FRMD6: variants seen among roughly 807,000 people sequenced by gnomAD.
FRMD6 encodes FERM domain containing 6, also known as FERM domain-containing protein 6.
In FRMD6, 37 loss-of-function variants were observed where a neutral mutation model predicts 73.2. The observed-to-expected ratio is 0.51, with a 90% CI of 0.39 to 0.66. The LOEUF (loss-of-function observed/expected upper bound fraction) is 0.66. Among genes scored for constraint, FRMD6 ranks in the 30% least tolerant of loss-of-function variants. The pLI is 0.00. For missense variants in FRMD6, 714 were observed against 780.5 expected (o/e 0.91, Z 1.02); for synonymous variants, 273 against 282.2 (o/e 0.97, Z 0.33).
At chr14:51,576,847 G>A (rs1298619319) in intron 2 of FRMD6, among the ~76,000 whole-genome samples, 4 of 152,086 alleles carry the variant, frequency 2.6e-5, no homozygotes, top group East Asian at 3.9e-4. Flanking sequence ...TCCCAATTTC[G>A]TTTTTCACTG....
intron 2 of FRMD6, among the ~76,000 whole-genome samples, chr14:51,625,659 G>A (rs1891088297): frequency 6.6e-6 from 1 of 152,046 alleles, no homozygotes; most frequent in Non-Finnish European, 1.5e-5. Flanking sequence ...TTCTAACCAG[G>A]TCCTCATTGA....
At chr14:51,544,289 A>T (rs2139390073) in intron 1 of FRMD6, among the ~76,000 whole-genome samples, 1 of 152,228 alleles carries the variant, frequency 6.6e-6, no homozygotes, top group African/African-American at 2.4e-5. Context: ...AAATATTCAC[A>T]TATAAAATTC....
chr14:51,610,520 G>C (rs1325525810), intron 2 of FRMD6, among the ~76,000 whole-genome samples: 1 of 151,888 alleles, frequency 6.6e-6, no homozygotes, highest in Admixed American at 6.6e-5. Flanking sequence ...AATTGAAGGG[G>C]TTAAAAATGG....
At chr14:51,466,723 C>T in the FRMD6 span, among the ~76,000 whole-genome samples, 1 of 152,172 alleles carries the variant, frequency 6.6e-6, no homozygotes, top group Admixed American at 6.5e-5. Flanking sequence ...ATTCTAGATT[C>T]TTTGCAATTT....
intron 1 of FRMD6, among the ~76,000 whole-genome samples, chr14:51,539,450 C>T (rs551873792): frequency 2.0e-5 from 3 of 152,214 alleles, no homozygotes; most frequent in African/African-American, 7.2e-5. Context: ...CTACATAGTG[C>T]CTGACACATA....
chr14:51,505,972 A>G (rs114183418), intron 1 of FRMD6, among the ~76,000 whole-genome samples: 4,557 of 152,146 alleles, frequency 0.03, 100 homozygotes, highest in East Asian at 0.074. Flanking sequence ...TCTGAACACA[A>G]ATCTGATCAC....
intron 2 of FRMD6, among the ~76,000 whole-genome samples, chr14:51,608,156 G>A (rs1256765953): frequency 3.3e-5 from 5 of 152,210 alleles, no homozygotes; most frequent in East Asian, 1.9e-4. Flanking sequence ...AGGAGCCTAC[G>A]AGCTGTGATC....
At chr14:51,477,596 TGAA>T in the FRMD6 span, among the ~76,000 whole-genome samples, 4 of 152,102 alleles carry the variant, frequency 2.6e-5, no homozygotes, top group African/African-American at 9.7e-5. Context: ...CAGATGCTGT[TGAA>T]AAAAAATTTA....
At chr14:51,662,358 C>T (rs951452550) in intron 1 of FRMD6, among the ~76,000 whole-genome samples, 2 of 151,928 alleles carry the variant, frequency 1.3e-5, no homozygotes, top group Admixed American at 6.6e-5. Context: ...CAATCCTAAG[C>T]AAAAAGAACA....
the FRMD6 span, among the ~76,000 whole-genome samples, chr14:51,428,413 A>G: frequency 2.6e-5 from 4 of 152,204 alleles, no homozygotes; most frequent in Admixed American, 6.5e-5. Flanking sequence ...GTCTACTGCA[A>G]TGATCTCAGT....
At chr14:51,580,390 C>G (rs753246949) in intron 2 of FRMD6, among the ~76,000 whole-genome samples, 40 of 152,324 alleles carry the variant, frequency 2.6e-4, no homozygotes, top group Non-Finnish European at 4.6e-4. Flanking sequence ...CCCTATGTCA[C>G]TGTGCTAAGT....
At chr14:51,407,111 TG>T in the FRMD6 span, among the ~76,000 whole-genome samples, 1 of 152,162 alleles carries the variant, frequency 6.6e-6, no homozygotes. Flanking sequence ...CTAGAACCTC[TG>T]ATAATAAGGA....
chr14:51,629,042 A>G (rs555756881), intron 2 of FRMD6, among the ~76,000 whole-genome samples: 1 of 151,432 alleles, frequency 6.6e-6, no homozygotes, highest in Non-Finnish European at 1.5e-5. Context: ...ACGCCCGGCT[A>G]ATTTTTTGTA....
chr14:51,670,914 T>C (rs1893961621), intron 1 of FRMD6, among the ~76,000 whole-genome samples: 2 of 152,224 alleles, frequency 1.3e-5, no homozygotes, highest in Admixed American at 1.3e-4. Flanking sequence ...CCCAAAATGG[T>C]GGGATTACAG....
At chr14:51,521,250 G>T (rs975829378) in intron 1 of FRMD6, among the ~76,000 whole-genome samples, 4 of 152,162 alleles carry the variant, frequency 2.6e-5, no homozygotes, top group Non-Finnish European at 5.9e-5. Context: ...AATGTAAGTT[G>T]TAGTTCTGTA....
intron 1 of FRMD6, among the ~76,000 whole-genome samples, chr14:51,678,447 CAAG>C (rs909478701): frequency 6.6e-5 from 10 of 152,198 alleles, no homozygotes; most frequent in African/African-American, 1.4e-4. Flanking sequence ...AATTTGGAGA[CAAG>C]AAGAAATGTA....
chr14:51,592,252 T>A (rs887611645), intron 2 of FRMD6, among the ~76,000 whole-genome samples: 6 of 152,232 alleles, frequency 3.9e-5, no homozygotes, highest in African/African-American at 1.4e-4. Context: ...TTTGACTGGC[T>A]CTCTCTGTCC....
chr14:51,458,278 C>T, the FRMD6 span, among the ~76,000 whole-genome samples: 1 of 152,156 alleles, frequency 6.6e-6, no homozygotes, highest in Non-Finnish European at 1.5e-5. Context: ...TCACCCCTAC[C>T]CCAATCTCTT....
chr14:51,689,958 A>C (rs760771631), intron 2 of FRMD6, 23 bp downstream of exon 2: 26 of 1,431,848 alleles, frequency 1.8e-5, no homozygotes, highest in Non-Finnish European at 2.5e-5. Flanking sequence ...AGTTTTAGAA[A>C]TGTCTAAATA....
Sources: allele counts gnomAD v4.1 joint callset (sites outside exome capture counted in the v4.1 genomes callset), GRCh38; gene constraint gnomAD v4.1.1; transcripts MANE v1.5; gene names NCBI Gene and HGNC (gene_info 2026-07-23, HGNC 2026-07-21).